Variants in EYS observed in about 807,000 individuals in gnomAD.
EYS encodes EGF-like photoreceptor maintenance factor.
Under a neutral mutation model 282.1 loss-of-function variants are expected in EYS, and 250 were observed. That is an observed-to-expected ratio of 0.89 (90% CI 0.80 to 0.98). EYS has a LOEUF of 0.98. Ranked by LOEUF, EYS falls within the 50% of genes least tolerant of loss-of-function variation. EYS has a pLI of 0.00. For missense variants in EYS, 4,016 were observed against 3,709.0 expected (o/e 1.08, Z -2.15); for synonymous variants, 1,355 against 1,282.9 (o/e 1.06, Z -1.20).
At chr6:64,022,333 C>T (rs1235246904) in intron 33 of EYS, among the ~76,000 whole-genome samples, 1 of 152,122 alleles carries the variant, frequency 6.6e-6, no homozygotes, top group Non-Finnish European at 1.5e-5. Flanking sequence ...CTAAAATGTT[C>T]TCAGCACTCA....
chr6:65,457,780 T>G (rs558335781), intron 5 of EYS, among the ~76,000 whole-genome samples: 1 of 152,252 alleles, frequency 6.6e-6, no homozygotes, highest in Admixed American at 6.5e-5. Flanking sequence ...AGCTTAAACA[T>G]TCTTATATAT....
At chr6:64,640,583 T>G (rs1449107181) in intron 22 of EYS, among the ~76,000 whole-genome samples, 26 of 144,826 alleles carry the variant, frequency 1.8e-4, no homozygotes, top group African/African-American at 2.3e-4. Context: ...GTGGGGGGAG[T>G]GGGGAGGGAT....
chr6:64,624,142 T>C (rs576721675), intron 23 of EYS, among the ~76,000 whole-genome samples: 2 of 152,194 alleles, frequency 1.3e-5, no homozygotes, highest in East Asian at 3.9e-4. Context: ...GCAATACAGG[T>C]GGTATCATTT....
intron 26 of EYS, among the ~76,000 whole-genome samples, chr6:64,519,362 A>C (rs533468874): frequency 6.6e-6 from 1 of 151,986 alleles, no homozygotes; most frequent in Non-Finnish European, 1.5e-5. Flanking sequence ...AAGTCGTTGT[A>C]AGTCTTTGAT....
intron 28 of EYS, among the ~76,000 whole-genome samples, chr6:64,395,851 G>A (rs1256043970): frequency 2.6e-5 from 4 of 151,116 alleles, no homozygotes; most frequent in African/African-American, 9.7e-5. Flanking sequence ...CACCTACATA[G>A]CATCCAACAA....
intron 22 of EYS, among the ~76,000 whole-genome samples, chr6:64,785,937 G>A (rs1774003146): frequency 1.3e-5 from 2 of 152,144 alleles, no homozygotes; most frequent in South Asian, 4.1e-4. Flanking sequence ...GTCCTCCTAT[G>A]TGCCAGTGTG....
At chr6:64,740,567 C>T (rs1035182090) in intron 22 of EYS, among the ~76,000 whole-genome samples, 3 of 152,136 alleles carry the variant, frequency 2.0e-5, no homozygotes, top group Non-Finnish European at 4.4e-5. Context: ...AGAGCACCTA[C>T]ACCACAGAAC....
At chr6:65,318,900 C>A (rs1331420261) in intron 11 of EYS, among the ~76,000 whole-genome samples, 3 of 150,202 alleles carry the variant, frequency 2.0e-5, no homozygotes, top group Admixed American at 6.6e-5. Flanking sequence ...CCTTGGCCTG[C>A]GAAAGTGCTG....
At chr6:65,171,340 C>A (rs1765101323) in intron 12 of EYS, among the ~76,000 whole-genome samples, 1 of 151,514 alleles carries the variant, frequency 6.6e-6, no homozygotes, top group Non-Finnish European at 1.5e-5. Context: ...ATTAAATAAT[C>A]CCCATGATAT....
intron 26 of EYS, among the ~76,000 whole-genome samples, chr6:64,482,205 T>C (rs1776455926): frequency 6.6e-6 from 1 of 151,736 alleles, no homozygotes; most frequent in Admixed American, 6.6e-5. Context: ...TCTACTTCAT[T>C]GGTCTAAGGT....
At chr6:64,337,760 A>G (rs1052674213) in intron 29 of EYS, among the ~76,000 whole-genome samples, 3 of 152,114 alleles carry the variant, frequency 2.0e-5, no homozygotes, top group Non-Finnish European at 4.4e-5. Flanking sequence ...ATCCAACATC[A>G]TATCAAAAAG....
intron 2 of EYS, among the ~76,000 whole-genome samples, chr6:65,568,438 T>C (rs1698757248): frequency 6.6e-6 from 1 of 152,104 alleles, no homozygotes; most frequent in African/African-American, 2.4e-5. Flanking sequence ...CTTATCAGTC[T>C]ATCTGCCTCA....
intron 41 of EYS, among the ~76,000 whole-genome samples, chr6:63,739,119 G>A (rs926227486): frequency 5.9e-5 from 9 of 151,804 alleles, no homozygotes; most frequent in Non-Finnish European, 7.4e-5. Context: ...TTTATTTAAT[G>A]GATTGTAATC....
At position 65,229,860 on chromosome 6, in the gene EYS, G is replaced by A. The variant is rs574770890; in HGVS notation, c.2023+66003C>T. ...GCAAGACAATTCTCCTTTATTGTGA[G>A]GTAATACAGTTTTGTGTAATTGCCC... On this transcript the variant is annotated intron_variant, in intron 12 of 42. Transcript: ENST00000503581. 5.3e-5 allele frequency among the ~76,000 whole-genome samples: 8 copies of A among 152,022 alleles called. No individual in the cohort carries two copies. In the South Asian group the frequency reaches 1.7e-3, roughly 32 times the overall value.
intron 24 of EYS, among the ~76,000 whole-genome samples, chr6:64,599,128 G>T (rs964043201): frequency 6.6e-6 from 1 of 152,122 alleles, no homozygotes; most frequent in Admixed American, 6.5e-5. Flanking sequence ...GTTGAATTTG[G>T]AATTGATTCT....
At chr6:65,320,811 G>C (rs1047074545) in intron 11 of EYS, among the ~76,000 whole-genome samples, 6 of 152,122 alleles carry the variant, frequency 3.9e-5, no homozygotes, top group African/African-American at 1.4e-4. Context: ...GAAAAAGGTG[G>C]CCTTAGCTAA....
chr6:64,017,902 T>C (rs986816141), intron 33 of EYS, among the ~76,000 whole-genome samples: 3 of 152,230 alleles, frequency 2.0e-5, no homozygotes, highest in Non-Finnish European at 4.4e-5. Context: ...AAGGAACTTA[T>C]ACATTTTCAT....
intron 26 of EYS, among the ~76,000 whole-genome samples, chr6:64,464,683 A>C (rs1775859803): frequency 6.6e-6 from 1 of 152,094 alleles, no homozygotes. Flanking sequence ...ACTGGGTGAT[A>C]TAACAAATGT....
intron 11 of EYS, chr6:65,330,380 A>G: frequency 1.0e-6 from 1 of 984,562 alleles, no homozygotes; most frequent in Non-Finnish European, 1.2e-6. Context: ...GGGAGTCATG[A>G]ACACTTCACA....
Sources: allele counts gnomAD v4.1 joint callset (sites outside exome capture counted in the v4.1 genomes callset), GRCh38; gene constraint gnomAD v4.1.1; transcripts MANE v1.5; gene names NCBI Gene and HGNC (gene_info 2026-07-23, HGNC 2026-07-21).